Variants in RNF11 observed in about 807,000 individuals in gnomAD.
RNF11 encodes ring finger protein 11.
Under a neutral mutation model 15.8 loss-of-function variants are expected in RNF11, and 4 were observed. That is an observed-to-expected ratio of 0.25 (90% CI 0.12 to 0.58). RNF11 has a LOEUF of 0.58. Among genes scored for constraint, RNF11 ranks in the 20% least tolerant of loss-of-function variants. The probability of loss-of-function intolerance (pLI) is 0.91; values close to 1 mark genes in which losing one functional copy is unlikely to be tolerated. For synonymous variants in RNF11, 68 were observed against 72.3 expected (o/e 0.94, Z 0.30); for missense variants, 139 against 194.4 (o/e 0.71, Z 1.70).
chr1:51,246,680 G>A (rs989337724), intron 1 of RNF11, among the ~76,000 whole-genome samples: 1 of 152,182 alleles, frequency 6.6e-6, no homozygotes, highest in Non-Finnish European at 1.5e-5. Flanking sequence ...AACACAGTGA[G>A]ACTCCCATTT....
intron 1 of RNF11, among the ~76,000 whole-genome samples, chr1:51,264,679 G>A (rs1646947321): frequency 6.6e-6 from 1 of 152,116 alleles, no homozygotes; most frequent in African/African-American, 2.4e-5. Context: ...CAAGCTGCAT[G>A]CTTTAGCAGT....
chr1:51,258,680 G>A (rs911693683), intron 1 of RNF11, among the ~76,000 whole-genome samples: 2 of 152,188 alleles, frequency 1.3e-5, no homozygotes, highest in African/African-American at 4.8e-5. Flanking sequence ...CCCTGCCTCA[G>A]CAAATTTCTC....
Position 51,271,588 on chromosome 1 carries a change from T to C in RNF11, c.*266T>C, listed in dbSNP as rs1557683900. 2 of 280,728 alleles carry C rather than the reference T, an allele frequency of 7.1e-6. No individual in the cohort carries two copies. Among genetic ancestry groups the C allele is most frequent in the Non-Finnish European group, 1.4e-5 (2 of 147,494 alleles). The allele number at this position is 280,728 out of a possible 1,614,324, so 17.4% of individuals were successfully genotyped here. A position where few individuals can be genotyped will look rare whatever the true frequency, so the allele number is the denominator to read the frequency against. ...TAGATCTTGTTATTGCTCCAGTACA[T>C]AGGAATTGTGTAAAGTGTTAACAGC... On this transcript the variant is annotated 3_prime_UTR_variant, in exon 3 of 3. Coordinates refer to ENST00000242719, the MANE Select transcript of RNF11 (RefSeq NM_014372.5).
chr1:51,251,538 T>C, intron 1 of RNF11: 1 of 571,014 alleles, frequency 1.8e-6, no homozygotes, highest in South Asian at 2.3e-5. Context: ...TTCTCATTTT[T>C]TGAAATATCA....
intron 1 of RNF11, among the ~76,000 whole-genome samples, chr1:51,262,893 AT>A (rs1323194845): frequency 3.3e-5 from 5 of 152,054 alleles, no homozygotes; most frequent in African/African-American, 1.2e-4. Flanking sequence ...CAAAAAGATA[AT>A]TTGCTATCAG....
At chr1:51,241,760 A>G (rs2148064739) in intron 1 of RNF11, among the ~76,000 whole-genome samples, 1 of 152,204 alleles carries the variant, frequency 6.6e-6, no homozygotes, top group East Asian at 1.9e-4. Flanking sequence ...AGCGAAGGCA[A>G]TCTTGGAAGG....
chr1:51,248,398 G>A (rs1646862402), intron 1 of RNF11, among the ~76,000 whole-genome samples: 1 of 151,860 alleles, frequency 6.6e-6, no homozygotes, highest in African/African-American at 2.4e-5. Context: ...TAGAGGCAGG[G>A]TTTCTCCATG....
In RNF11 at chr1:51,236,284, C is replaced by A. The variant is rs72896451; in HGVS notation, c.-473C>A. 0.036 allele frequency: 5,542 copies of A among 152,472 alleles called. 371 individuals carry two copies. The highest frequency in any genetic ancestry group is 0.13 in the African/African-American group (5,251 of 41,516). 9.4% of individuals were successfully genotyped at this position (152,472 alleles called of 1,614,324 possible). On this transcript the variant is annotated 5_prime_UTR_variant, in exon 1 of 3. Transcript: ENST00000242719. ...CGGCGCGATGACGCAGTGCCCGAGC[C>A]GGCCTCGTTCTGGCTGCCGCCGTCT...
intron 1 of RNF11, 116 bp downstream of exon 1, chr1:51,236,995 AC>A: frequency 7.4e-7 from 1 of 1,355,554 alleles, no homozygotes; most frequent in Non-Finnish European, 9.9e-7. Context: ...GGCGGCATTG[AC>A]CCCTTAGGGC....
At chr1:51,241,438 G>A (rs1646829136) in intron 1 of RNF11, among the ~76,000 whole-genome samples, 1 of 152,154 alleles carries the variant, frequency 6.6e-6, no homozygotes, top group Non-Finnish European at 1.5e-5. Flanking sequence ...ACCGTGTCTA[G>A]CTGTTGTAGA....
chr1:51,262,666 C>T (rs1646935875), intron 1 of RNF11, among the ~76,000 whole-genome samples: 1 of 151,714 alleles, frequency 6.6e-6, no homozygotes, highest in African/African-American at 2.4e-5. Flanking sequence ...TGTGCGTCAG[C>T]CTCCCAAGTA....
chr1:51,267,103 G>C (rs1451825675), intron 1 of RNF11, among the ~76,000 whole-genome samples: 1 of 152,152 alleles, frequency 6.6e-6, no homozygotes, highest in Non-Finnish European at 1.5e-5. Flanking sequence ...GCTGGGCATG[G>C]TGTTGTGTAC....
intron 1 of RNF11, among the ~76,000 whole-genome samples, chr1:51,259,893 T>A (rs72898417): frequency 0.021 from 3,201 of 152,310 alleles, 93 homozygotes; most frequent in African/African-American, 0.065. Flanking sequence ...ACTAAACTTA[T>A]CGCATTCTCT....
At chr1:51,259,489 T>A (rs35661259) in intron 1 of RNF11, among the ~76,000 whole-genome samples, 17,293 of 152,202 alleles carry the variant, frequency 0.11, 1,647 homozygotes, top group African/African-American at 0.26. Context: ...TTAGGGTTTT[T>A]AAAAAATGTT....
At chr1:51,249,832 A>G (rs1646868660) in intron 1 of RNF11, among the ~76,000 whole-genome samples, 1 of 152,302 alleles carries the variant, frequency 6.6e-6, no homozygotes. Flanking sequence ...ATGGAGCCAC[A>G]TGTATATTTA....
chr1:51,252,081 C>CAAAAAAAA (rs928146865), intron 1 of RNF11, among the ~76,000 whole-genome samples: 81 of 53,352 alleles, frequency 1.5e-3, no homozygotes, highest in East Asian at 3.8e-3. Flanking sequence ...CATCTCAAAG[C>CAAAAAAAA]AAAAAAAAAA....
At chr1:51,244,228 C>T (rs905371849) in intron 1 of RNF11, among the ~76,000 whole-genome samples, 7 of 152,210 alleles carry the variant, frequency 4.6e-5, no homozygotes, top group African/African-American at 1.7e-4. Context: ...TAATGATCAG[C>T]ATTTTGCTGT....
chr1:51,264,335 C>G (rs1250797432), intron 1 of RNF11, among the ~76,000 whole-genome samples: 4 of 128,340 alleles, frequency 3.1e-5, no homozygotes, highest in South Asian at 4.9e-4. Context: ...CACACACACA[C>G]ACACATTTAT....
chr1:51,245,584 TG>T (rs1361542895), intron 1 of RNF11, among the ~76,000 whole-genome samples: 1 of 152,110 alleles, frequency 6.6e-6, no homozygotes, highest in Non-Finnish European at 1.5e-5. Context: ...CCTGAGTAGC[TG>T]GGATTAGAGG....
Sources: gnomAD v4.1 joint callset for allele counts (sites outside exome capture counted in the v4.1 genomes callset) on GRCh38, gnomAD v4.1.1 for gene constraint, MANE v1.5 for transcripts, NCBI Gene and HGNC (gene_info 2026-07-23, HGNC 2026-07-21) for gene names.